The following NUDCD3 variants were observed in gnomAD, a reference collection of about 807,000 sequenced individuals.
NUDCD3 encodes nudC domain-containing protein 3.
NUDCD3 carries 13 observed loss-of-function variants against 39.7 expected under a neutral mutation model. The ratio of observed to expected loss-of-function variants is 0.33; its 90% CI spans 0.21 to 0.52. The LOEUF is 0.52. Ranked by LOEUF, NUDCD3 falls within the 20% of genes least tolerant of loss-of-function variation. NUDCD3 has a pLI of 0.96. For synonymous variants in NUDCD3, 175 were observed against 172.4 expected (o/e 1.02, Z -0.12); for missense variants, 453 against 458.1 (o/e 0.99, Z 0.10).
At chr7:44,398,314 C>T (rs1798659899) in intron 4 of NUDCD3, among the ~76,000 whole-genome samples, 2 of 152,172 alleles carry the variant, frequency 1.3e-5, no homozygotes, top group Admixed American at 6.5e-5. Flanking sequence ...GATTCCTGGC[C>T]TCTCTGGTCT....
chr7:44,433,338 ATG>A (rs1799401682), intron 2 of NUDCD3, among the ~76,000 whole-genome samples: 3 of 152,152 alleles, frequency 2.0e-5, no homozygotes, highest in South Asian at 4.2e-4. Context: ...TGTGCACTAT[ATG>A]TGTGTGTGGG....
chr7:44,393,424 C>T (rs1021372411), intron 4 of NUDCD3, among the ~76,000 whole-genome samples: 1 of 152,140 alleles, frequency 6.6e-6, no homozygotes, highest in Non-Finnish European at 1.5e-5. Context: ...TGGCCTGTCC[C>T]AGGGACACAG....
chr7:44,485,069 T>C lies in NUDCD3; in HGVS notation c.408A>G (p.Pro136=). ...GHQEVEKVQP[P]GPVKEMAHGS... The stretch of plus-strand genomic sequence containing the variant: ...CATGGGCCATTTCCTTCACAGGGCC[T>C]GGAGGCTGCACTTTCTCTACTTCCT... The change falls in exon 2 of 6, where the codon CCA becomes CCG. Residue 136 remains proline (P), a synonymous_variant. Transcript: ENST00000355451. 1 of 1,614,196 alleles carries C rather than the reference T, an allele frequency of 6.2e-7. No individual in the cohort carries two copies. Among genetic ancestry groups the C allele is most frequent in the Non-Finnish European group, 8.5e-7 (1 of 1,180,006 alleles).
chr7:44,460,709 T>C (rs776492015), intron 2 of NUDCD3, among the ~76,000 whole-genome samples: 1 of 151,980 alleles, frequency 6.6e-6, no homozygotes, highest in Non-Finnish European at 1.5e-5. Flanking sequence ...AAGATATGAA[T>C]GAAATTAAGA....
intron 2 of NUDCD3, chr7:44,468,287 A>G: frequency 1.3e-6 from 2 of 1,583,212 alleles, no homozygotes; most frequent in East Asian, 2.2e-5. Flanking sequence ...CAGGCTGCGC[A>G]GCGAAGAAAA....
intron 2 of NUDCD3, among the ~76,000 whole-genome samples, chr7:44,450,572 A>C (rs1244369154): frequency 1.3e-5 from 2 of 152,062 alleles, no homozygotes; most frequent in Non-Finnish European, 2.9e-5. Flanking sequence ...CAGGAGGATC[A>C]CTTGAGCCCA....
rs562080341 is a variant in NUDCD3 at position 44,459,720 on chromosome 7, A to AT, written c.509+25247dup. ...TACCATTGCTAAAAGCAACACAAAC[A>AT]TTAACTGTATGGCTACTAATGGATC... On this transcript the variant is annotated intron_variant, in intron 2 of 5. Transcript: ENST00000355451. Among the ~76,000 whole-genome samples the AT allele has an allele frequency of 2.0e-4, 31 of 152,352 alleles. No individual in the cohort carries two copies. In the East Asian group the frequency reaches 6.0e-3, roughly 29 times the overall value.
At chr7:44,468,338 T>C (rs777799132) in intron 2 of NUDCD3, 2 of 958,228 alleles carry the variant, frequency 2.1e-6, no homozygotes, top group Non-Finnish European at 1.4e-6. Context: ...TTTAAATAAA[T>C]GTAAAAACTG....
chr7:44,477,127 T>G lies in NUDCD3; in HGVS notation c.509+7841A>C, dbSNP rs565076365. Among the ~76,000 whole-genome samples, 4 of 152,340 alleles carry G rather than the reference T, an allele frequency of 2.6e-5. No individual in the cohort carries two copies. In the South Asian group the frequency reaches 8.3e-4, roughly 32 times the overall value. On this transcript the variant is annotated intron_variant, in intron 2 of 5. Transcript: ENST00000355451. ...AACAGTTTTCTCAGGTATTATGTTC[T>G]AACGGGCTTGTCCTAGAAGGGGTTA...
chr7:44,478,321 T>C (rs1800421116), intron 2 of NUDCD3, among the ~76,000 whole-genome samples: 1 of 152,166 alleles, frequency 6.6e-6, no homozygotes, highest in Non-Finnish European at 1.5e-5. Context: ...GAGACCGAGA[T>C]GGGTGGATCA....
chr7:44,484,312 A>G (rs1800558074), intron 2 of NUDCD3: 1 of 152,274 alleles, frequency 6.6e-6, no homozygotes. Flanking sequence ...AACTCCTAAA[A>G]AGTGAGTACA....
At chr7:44,486,299 A>G (rs1421116296) in intron 1 of NUDCD3, among the ~76,000 whole-genome samples, 1 of 152,242 alleles carries the variant, frequency 6.6e-6, no homozygotes, top group Non-Finnish European at 1.5e-5. Flanking sequence ...CGGGCAGTCA[A>G]AAGGGTGCTA....
At position 44,439,296 on chromosome 7, in the gene NUDCD3, T is replaced by C. The variant is rs538210089; in HGVS notation, c.510-11593A>G. Among the ~76,000 whole-genome samples, 11 of 152,292 alleles carry C rather than the reference T, an allele frequency of 7.2e-5. 2 individuals are homozygous for C. Among genetic ancestry groups the C allele is most frequent in the Admixed American group, 7.2e-4 (11 of 15,294 alleles). ...TCACCTATTAAAAGAGGTTGTTAAATGCAGGTGACAGCTCATGTTTAGTTC... is the reference window on the plus strand; with the variant it reads ...TCACCTATTAAAAGAGGTTGTTAAACGCAGGTGACAGCTCATGTTTAGTTC... On this transcript the variant is annotated intron_variant, in intron 2 of 5. Coordinates refer to ENST00000355451, the MANE Select transcript of NUDCD3 (RefSeq NM_015332.4).
chr7:44,454,293 C>T (rs967696525), intron 2 of NUDCD3, among the ~76,000 whole-genome samples: 3 of 152,030 alleles, frequency 2.0e-5, no homozygotes, highest in Admixed American at 6.5e-5. Context: ...GAGCTGAGAT[C>T]GAGCCACTGC....
In NUDCD3 at chr7:44,427,672, T is replaced by G; in HGVS notation, c.541A>C (p.Ser181Arg). The change falls in exon 3 of 6, where the codon AGT (serine) becomes CGT (arginine). Residue 181 changes from serine (S) to arginine (R), a missense_variant. By Grantham distance (110) the Ser-to-Arg change is moderately radical (BLOSUM62 -1). Coordinates refer to ENST00000355451, the MANE Select transcript of NUDCD3 (RefSeq NM_015332.4). ...IQEQFQKNPD[S>R]YNGAVRENYT... Reference sequence around the variant, plus strand: ...TTCTCTCGGACAGCACCATTGTAACTGTCGGGATTTTTCTGGAACTGCTCC... The same window carrying G: ...TTCTCTCGGACAGCACCATTGTAACGGTCGGGATTTTTCTGGAACTGCTCC... The G allele has an allele frequency of 6.2e-7, 1 of 1,613,420 alleles. No homozygotes were observed. Among genetic ancestry groups the G allele is most frequent in the Non-Finnish European group, 8.5e-7 (1 of 1,179,750 alleles).
At chr7:44,438,674 G>A (rs1217947500) in intron 2 of NUDCD3, among the ~76,000 whole-genome samples, 1 of 150,794 alleles carries the variant, frequency 6.6e-6, no homozygotes, top group East Asian at 1.9e-4. Flanking sequence ...GAAGGGGACT[G>A]TAGACTTCTA....
chr7:44,435,956 G>A (rs1473301481), intron 2 of NUDCD3, among the ~76,000 whole-genome samples: 2 of 152,176 alleles, frequency 1.3e-5, no homozygotes, highest in Non-Finnish European at 2.9e-5. Flanking sequence ...GCCAGATCTA[G>A]AATCAGGGAA....
chr7:44,432,136 G>C (rs1354532605), intron 2 of NUDCD3, among the ~76,000 whole-genome samples: 1 of 152,148 alleles, frequency 6.6e-6, no homozygotes, highest in Admixed American at 6.5e-5. Flanking sequence ...TTTAAAATTA[G>C]CCACACATAG....
chr7:44,463,982 G>A (rs1254497186), intron 2 of NUDCD3, among the ~76,000 whole-genome samples: 1 of 152,052 alleles, frequency 6.6e-6, no homozygotes, highest in Admixed American at 6.6e-5. Context: ...GGGAGGCTGC[G>A]GCAGGTGGAT....
Sources: allele counts gnomAD v4.1 joint callset (sites outside exome capture counted in the v4.1 genomes callset), GRCh38; gene constraint gnomAD v4.1.1; transcripts MANE v1.5; gene names NCBI Gene and HGNC (gene_info 2026-07-23, HGNC 2026-07-21).